The following CSMD1 variants were observed in gnomAD, a reference collection of about 807,000 sequenced individuals.
The protein encoded by CSMD1 is CUB and sushi domain-containing protein 1.
A neutral mutation model predicts 417.5 loss-of-function variants in CSMD1; 213 were observed. The observed-to-expected ratio is 0.51, with a 90% CI of 0.46 to 0.57. CSMD1 has a LOEUF of 0.57. Ranked by LOEUF, CSMD1 falls within the 20% of genes least tolerant of loss-of-function variation. The probability of loss-of-function intolerance (pLI) is 0.00; values close to 1 mark genes in which losing one functional copy is unlikely to be tolerated. For synonymous variants in CSMD1, 2,862 were observed against 1,736.8 expected, an observed-to-expected ratio of 1.65 and a Z score of -16.11; for missense variants, 6,923 against 4,529.7, an observed-to-expected ratio of 1.53 and a Z score of -15.17.
chr8:3,154,129 C>T (rs754414598), intron 39 of CSMD1, among the ~76,000 whole-genome samples: 1 of 152,118 alleles, frequency 6.6e-6, no homozygotes, highest in Non-Finnish European at 1.5e-5. Flanking sequence ...ACTGCGACTA[C>T]GCCTGGCTAA....
At chr8:3,667,915 C>T (rs560221711) in intron 7 of CSMD1, among the ~76,000 whole-genome samples, 1 of 152,216 alleles carries the variant, frequency 6.6e-6, no homozygotes, top group Admixed American at 6.5e-5. Flanking sequence ...CTGTATGTTG[C>T]GGAGACACCA....
intron 51 of CSMD1, among the ~76,000 whole-genome samples, chr8:3,019,549 T>G (rs973961252): frequency 6.6e-6 from 1 of 152,342 alleles, no homozygotes; most frequent in African/African-American, 2.4e-5. Flanking sequence ...GTTGGGCTCA[T>G]GAGCTCTGTA....
At chr8:4,361,556 G>C (rs1165510168) in intron 3 of CSMD1, among the ~76,000 whole-genome samples, 1 of 152,190 alleles carries the variant, frequency 6.6e-6, no homozygotes, top group Non-Finnish European at 1.5e-5. Flanking sequence ...TTAAAAAGTC[G>C]TAGAGTTCAA....
At position 4,351,478 on chromosome 8, in the gene CSMD1, G is replaced by A. The variant is rs148610099; in HGVS notation, c.415+68475C>T. On this transcript the variant is annotated intron_variant, in intron 3 of 69. Transcript: ENST00000635120. Reference sequence around the variant, plus strand: ...AAAGCAGAGTTCCATAGCTATTACTGTGCCAAATTTATAGATTAGGAAGAA... The same window carrying A: ...AAAGCAGAGTTCCATAGCTATTACTATGCCAAATTTATAGATTAGGAAGAA... Among the ~76,000 whole-genome samples the A allele has an allele frequency of 2.8e-3, 434 of 152,310 alleles. 3 individuals are homozygous for A. The highest frequency in any genetic ancestry group is 0.01 in the African/African-American group (427 of 41,564).
intron 49 of CSMD1, among the ~76,000 whole-genome samples, chr8:3,085,663 G>C (rs566652566): frequency 2.6e-5 from 4 of 152,186 alleles, no homozygotes; most frequent in African/African-American, 7.2e-5. Flanking sequence ...TTCTGCTGGG[G>C]TGTGGGGAGG....
intron 12 of CSMD1, among the ~76,000 whole-genome samples, chr8:3,468,483 A>C (rs1462069185): frequency 6.6e-6 from 1 of 152,102 alleles, no homozygotes; most frequent in Non-Finnish European, 1.5e-5. Flanking sequence ...CTCACTCTTT[A>C]TTTTGGGATA....
intron 61 of CSMD1, among the ~76,000 whole-genome samples, chr8:2,961,674 A>G (rs956181237): frequency 1.3e-5 from 2 of 152,194 alleles, no homozygotes; most frequent in African/African-American, 4.8e-5. Context: ...TAATGGAACC[A>G]CATGGAAAAC....
At chr8:4,773,276 C>T (rs754210104) in intron 1 of CSMD1, among the ~76,000 whole-genome samples, 2 of 143,318 alleles carry the variant, frequency 1.4e-5, no homozygotes, top group African/African-American at 5.2e-5. Context: ...TAGGGATACT[C>T]AATCTACACC....
intron 3 of CSMD1, among the ~76,000 whole-genome samples, chr8:4,276,459 C>T (rs1286045838): frequency 6.6e-6 from 1 of 152,122 alleles, no homozygotes; most frequent in Non-Finnish European, 1.5e-5. Flanking sequence ...GAACATCACA[C>T]ACCAGGGCCT....
At position 3,186,208 on chromosome 8, in the gene CSMD1, T is replaced by A. The variant is rs530231282; in HGVS notation, c.5620+1661A>T. Among the ~76,000 whole-genome samples, 179 of 152,294 alleles carry A rather than the reference T, an allele frequency of 1.2e-3. 1 individual carries two copies. Among genetic ancestry groups the A allele is most frequent in the African/African-American group, 4.0e-3 (166 of 41,560 alleles). On this transcript the variant is annotated intron_variant, in intron 36 of 69. Coordinates refer to ENST00000635120, the MANE Select transcript of CSMD1 (RefSeq NM_033225.6). ...TGTTTTTAATGAGAGAGGCCTTATC[T>A]TGTATTCCTAACAACAAACACAGTG...
At chr8:3,286,501 T>G in intron 25 of CSMD1, among the ~76,000 whole-genome samples, 1 of 152,184 alleles carries the variant, frequency 6.6e-6, no homozygotes, top group Non-Finnish European at 1.5e-5. Flanking sequence ...TTTTCCTGAC[T>G]TGTTAATGAT....
At chr8:3,234,143 A>C (rs1009613091) in intron 26 of CSMD1, among the ~76,000 whole-genome samples, 1 of 152,178 alleles carries the variant, frequency 6.6e-6, no homozygotes, top group Non-Finnish European at 1.5e-5. Context: ...GCTCCACATC[A>C]CAGAGGATCA....
chr8:4,141,246 T>A (rs777923352), intron 3 of CSMD1, among the ~76,000 whole-genome samples: 55 of 151,160 alleles, frequency 3.6e-4, no homozygotes, highest in Admixed American at 2.3e-3. Context: ...TACTGAAGAA[T>A]AAGCTTGATG....
chr8:4,799,524 AGGAGGC>A (rs944255212), intron 1 of CSMD1, among the ~76,000 whole-genome samples: 1 of 136,868 alleles, frequency 7.3e-6, no homozygotes, highest in Non-Finnish European at 1.5e-5. Flanking sequence ...GCTTGAACCC[AGGAGGC>A]GGAGGTTGCA....
chr8:4,905,889 A>T (rs992958397), intron 1 of CSMD1, among the ~76,000 whole-genome samples: 4 of 150,794 alleles, frequency 2.7e-5, no homozygotes, highest in African/African-American at 7.3e-5. Context: ...TATTATTCTC[A>T]CATCTAATTG....
chr8:4,779,239 C>T (rs973913543), intron 1 of CSMD1, among the ~76,000 whole-genome samples: 2 of 152,160 alleles, frequency 1.3e-5, no homozygotes, highest in East Asian at 3.9e-4. Flanking sequence ...CTCCCAGCCT[C>T]CTGTAGAAAT....
chr8:4,694,471 C>A (rs987195608), intron 1 of CSMD1, among the ~76,000 whole-genome samples: 27 of 152,122 alleles, frequency 1.8e-4, no homozygotes, highest in African/African-American at 2.7e-4. Context: ...CCTGCCTCAG[C>A]CTTCCAAGTA....
At chr8:4,237,423 G>A (rs894166022) in intron 3 of CSMD1, among the ~76,000 whole-genome samples, 4 of 152,084 alleles carry the variant, frequency 2.6e-5, no homozygotes, top group Non-Finnish European at 5.9e-5. Flanking sequence ...AGTTTTTTGT[G>A]AATATTTAAT....
intron 41 of CSMD1, among the ~76,000 whole-genome samples, chr8:3,140,984 T>C (rs1167841571): frequency 6.6e-6 from 1 of 152,252 alleles, no homozygotes; most frequent in Admixed American, 6.5e-5. Flanking sequence ...ACCCATTATC[T>C]GTGCTAAGGC....
Sources: allele counts gnomAD v4.1 joint callset (sites outside exome capture counted in the v4.1 genomes callset), GRCh38; gene constraint gnomAD v4.1.1; transcripts MANE v1.5; gene names NCBI Gene and HGNC (gene_info 2026-07-23, HGNC 2026-07-21).